Variants in TNFRSF8 observed in about 807,000 individuals in gnomAD.
TNFRSF8 encodes the protein TNF receptor superfamily member 8.
Under a neutral mutation model 70.8 loss-of-function variants are expected in TNFRSF8, and 26 were observed. That is an observed-to-expected ratio of 0.37 (90% CI 0.27 to 0.51). The LOEUF is 0.51. Among genes scored for constraint, TNFRSF8 ranks in the 20% least tolerant of loss-of-function variants. The probability of loss-of-function intolerance (pLI) is 0.94; values close to 1 mark genes in which losing one functional copy is unlikely to be tolerated. For synonymous variants in TNFRSF8, 356 were observed against 339.2 expected (o/e 1.05, Z -0.54); for missense variants, 720 against 807.9 (o/e 0.89, Z 1.32).
Position 12,069,431 on chromosome 1 carries a change from C to A in TNFRSF8, c.63+5770C>A, listed in dbSNP as rs369342929. On this transcript the variant is annotated intron_variant, in intron 1 of 14. Transcript: ENST00000263932. The stretch of plus-strand genomic sequence containing the variant: ...TGACCTCAGACGAGCCCCCCCGCCT[C>A]AGCCTCCCAAAGTGCTGGGAATACA... Among the ~76,000 whole-genome samples the A allele has an allele frequency of 3.0e-3, 450 of 152,192 alleles. 1 individual carries two copies. The highest frequency in any genetic ancestry group is 0.01 in the African/African-American group (416 of 41,510).
intron 2 of TNFRSF8, among the ~76,000 whole-genome samples, chr1:12,093,126 A>T (rs1392013118): frequency 6.6e-6 from 1 of 152,076 alleles, no homozygotes; most frequent in African/African-American, 2.4e-5. Context: ...TTTCATGAGA[A>T]CACCGGTCAG....
At chr1:12,096,266 A>T (rs1340982634) in intron 2 of TNFRSF8, among the ~76,000 whole-genome samples, 3 of 152,050 alleles carry the variant, frequency 2.0e-5, no homozygotes, top group African/African-American at 7.2e-5. Flanking sequence ...TTGCTGGGTG[A>T]CTTGTTTATC....
chr1:12,080,330 G>A (rs1641042397), intron 1 of TNFRSF8: 5 of 523,832 alleles, frequency 9.5e-6, no homozygotes, highest in East Asian at 5.3e-5. Flanking sequence ...CTCTCCATCC[G>A]GCCGAATCAG....
intron 1 of TNFRSF8, among the ~76,000 whole-genome samples, chr1:12,076,241 C>G (rs1314383535): frequency 6.6e-6 from 1 of 151,776 alleles, no homozygotes; most frequent in Non-Finnish European, 1.5e-5. Flanking sequence ...GCTGGAATTA[C>G]AGGCATAAGC....
At chr1:12,083,903 C>G (rs758797109) in intron 1 of TNFRSF8, among the ~76,000 whole-genome samples, 8 of 152,038 alleles carry the variant, frequency 5.3e-5, no homozygotes, top group African/African-American at 1.9e-4. Context: ...ACTAATAGAG[C>G]GATAGAAATC....
At chr1:12,066,600 A>G (rs7532005) in intron 1 of TNFRSF8, among the ~76,000 whole-genome samples, 68,638 of 151,512 alleles carry the variant, frequency 0.45, 17,038 homozygotes, top group African/African-American at 0.65. Context: ...AGATCCATCC[A>G]CCTCGGCATC....
At chr1:12,069,994 C>T (rs4491070) in intron 1 of TNFRSF8, among the ~76,000 whole-genome samples, 48,995 of 151,930 alleles carry the variant, frequency 0.32, 8,742 homozygotes, top group Admixed American at 0.51. Context: ...GGAAGGAGGC[C>T]GGGGTGGCTG....
chr1:12,105,765 T>G (rs1308799102), intron 4 of TNFRSF8, among the ~76,000 whole-genome samples: 3 of 151,832 alleles, frequency 2.0e-5, no homozygotes, highest in Non-Finnish European at 4.4e-5. Flanking sequence ...TGGTGAAACC[T>G]CATCTCTACT....
chr1:12,115,553 G>A (rs752393553), intron 7 of TNFRSF8, 24 bp from the exon 8 acceptor site: 14 of 1,613,982 alleles, frequency 8.7e-6, no homozygotes, highest in African/African-American at 4.0e-5. Context: ...ATCTTTCTCC[G>A]TGATCCTCAT....
rs151145115 is a variant in TNFRSF8, at chr1:12,113,484, TGA to T, written c.793+1481_793+1482del. On this transcript the variant is annotated intron_variant, in intron 7 of 14. Coordinates refer to ENST00000263932, the MANE Select transcript of TNFRSF8 (RefSeq NM_001243.5). The surrounding 1 kb of genome is among the most constrained non-coding windows in gnomAD (Gnocchi z 4.9). ...CCATTGCCCCCGGCCATAAAAGTCT[TGA>T]GAGAGAGAGACAGACAGAAAGAGAG... 1.3e-5 allele frequency among the ~76,000 whole-genome samples: 2 copies of T among 151,480 alleles called. No individual in the cohort carries two copies. Among genetic ancestry groups the T allele is most frequent in the Non-Finnish European group, 2.9e-5 (2 of 67,930 alleles).
At chr1:12,107,892 A>G (rs1024155410) in intron 4 of TNFRSF8, among the ~76,000 whole-genome samples, 1 of 151,900 alleles carries the variant, frequency 6.6e-6, no homozygotes, top group Non-Finnish European at 1.5e-5. Context: ...TATTAGCCCC[A>G]TTTTCCAGGT....
In TNFRSF8 at chr1:12,110,124, G is replaced by A. The variant is rs749228869; in HGVS notation, c.596G>A (p.Arg199His). The change falls in exon 6 of 15, where the codon CGC becomes CAC. Residue 199 changes from arginine to histidine, a missense_variant. Coordinates refer to ENST00000263932, the MANE Select transcript of TNFRSF8 (RefSeq NM_001243.5). The surrounding 1 kb of genome is among the most constrained non-coding windows in gnomAD (Gnocchi z 4.0). ...ACCATGCCTGTAAGAGGGGGCACCCGCCTCGCCCAGGAAGCTGCTTCTAAA... is the reference window on the plus strand; with the variant it reads ...ACCATGCCTGTAAGAGGGGGCACCCACCTCGCCCAGGAAGCTGCTTCTAAA... ...ASTMPVRGGTRLAQEAASKLT... is the reference protein window; with the variant it reads ...ASTMPVRGGTHLAQEAASKLT... 17 of 1,613,530 alleles carry A rather than the reference G, an allele frequency of 1.1e-5. No individual in the cohort carries two copies. Among genetic ancestry groups the A allele is most frequent in the South Asian group, 4.4e-5 (4 of 90,970 alleles).
Position 12,110,147 on chromosome 1 carries a change from A to G in TNFRSF8, c.619A>G (p.Lys207Glu). 6.2e-7 allele frequency: 1 copy of G among 1,613,396 alleles called. No individual in the cohort carries two copies. The highest frequency in any genetic ancestry group is 1.1e-5 in the South Asian group (1 of 90,936). ...CCGCCTCGCCCAGGAAGCTGCTTCT[A>G]AACTGACGAGGGCTCCCGACTCTCC... ...GTRLAQEAAS[K>E]LTRAPDSPSS... The change falls in exon 6 of 15, where the codon AAA becomes GAA. Residue 207 changes from lysine to glutamate, a missense_variant. By Grantham distance (56) the Lys-to-Glu change is moderately conservative. Coordinates refer to ENST00000263932, the MANE Select transcript of TNFRSF8 (RefSeq NM_001243.5). The surrounding 1 kb of genome is among the most constrained non-coding windows in gnomAD (Gnocchi z 4.0).
At chr1:12,118,896 A>G (rs1354961564) in intron 8 of TNFRSF8, among the ~76,000 whole-genome samples, 1 of 151,520 alleles carries the variant, frequency 6.6e-6, no homozygotes, top group East Asian at 1.9e-4. Context: ...ACAGAGTCTC[A>G]CTCTGTCGCC....
In TNFRSF8 at chr1:12,142,446, C is replaced by T. The variant is rs941636101; in HGVS notation, c.1703C>T (p.Pro568Leu). 3.1e-6 allele frequency: 5 copies of T among 1,612,598 alleles called. No homozygotes were observed. The highest frequency in any genetic ancestry group is 4.2e-6 in the Non-Finnish European group (5 of 1,179,534). ...PHYPEQETEP[P>L]LGSCSDVMLS... ...TACCCCGAGCAGGAGACAGAACCGC[C>T]TCTGGGCAGCTGCAGCGATGTCATG... Residue 568 changes from proline (P) to leucine (L), a missense_variant, in exon 15 of 15, where the codon CCT becomes CTT. Physicochemically the swap from Pro to Leu is moderately conservative, Grantham distance 98. Coordinates refer to ENST00000263932, the MANE Select transcript of TNFRSF8 (RefSeq NM_001243.5). The surrounding 1 kb of genome is among the most constrained non-coding windows in gnomAD (Gnocchi z 5.0).
At chr1:12,074,883 G>T (rs576903294) in intron 1 of TNFRSF8, among the ~76,000 whole-genome samples, 1 of 151,810 alleles carries the variant, frequency 6.6e-6, no homozygotes, top group African/African-American at 2.4e-5. Context: ...CGAATTCTTG[G>T]GCTCAAACAA....
intron 4 of TNFRSF8, among the ~76,000 whole-genome samples, chr1:12,106,149 A>G (rs11121861): frequency 0.018 from 2,760 of 152,098 alleles, 90 homozygotes; most frequent in African/African-American, 0.062. Flanking sequence ...GAGTCTCAGG[A>G]TGTGATCCCA....
chr1:12,088,324 G>A lies in TNFRSF8; in HGVS notation c.151+3773G>A, dbSNP rs1422945598. Among the ~76,000 whole-genome samples, 2 of 106,598 alleles carry A rather than the reference G, an allele frequency of 1.9e-5. No homozygotes were observed. Among genetic ancestry groups the A allele is most frequent in the East Asian group, 4.1e-4 (2 of 4,922 alleles). The allele number at this position is 106,598 out of a possible 152,430, so 69.9% of individuals were successfully genotyped here. ...TGGCCACTGTGCTGGGCCCTTTACC[G>A]ACCTTAAGTTCCTTCAATCCTGATA... On this transcript the variant is annotated intron_variant, in intron 2 of 14. Transcript: ENST00000263932. The surrounding 1 kb of genome is among the most constrained non-coding windows in gnomAD (Gnocchi z 4.0).
chr1:12,108,601 A>G lies in TNFRSF8; in HGVS notation c.422-965A>G, dbSNP rs1349768020. Among the ~76,000 whole-genome samples the G allele has an allele frequency of 1.3e-5, 2 of 151,718 alleles. No individual in the cohort carries two copies. Among genetic ancestry groups the G allele is most frequent in the African/African-American group, 4.8e-5 (2 of 41,294 alleles). On this transcript the variant is annotated intron_variant, in intron 4 of 14. Coordinates refer to ENST00000263932, the MANE Select transcript of TNFRSF8 (RefSeq NM_001243.5). This position sits in a 1 kb window ranked among gnomAD's most constrained non-coding sequence, Gnocchi z 4.0. ...TTTGGGAGGCTGAGGAGGGTGGATC[A>G]CCTGAGGTCAGGAGTTCGAGACCAG...
Sources: gnomAD v4.1 joint callset for allele counts (sites outside exome capture counted in the v4.1 genomes callset) on GRCh38, gnomAD v4.1.1 for gene constraint, Gnocchi (gnomAD v3.1) non-coding constraint, MANE v1.5 for transcripts, NCBI Gene and HGNC (gene_info 2026-07-23, HGNC 2026-07-21) for gene names.